Variants in DNAH9 observed in about 807,000 individuals in gnomAD.
DNAH9 encodes dynein axonemal heavy chain 9, also known as DNAH9 variant protein.
Under a neutral mutation model 471.6 loss-of-function variants are expected in DNAH9, and 345 were observed. The observed-to-expected ratio is 0.73, with a 90% confidence interval of 0.67 to 0.80. The LOEUF (loss-of-function observed/expected upper bound fraction) is 0.80, where lower values mean the gene tolerates loss of function less well. Among genes scored for constraint, DNAH9 ranks in the 30% least tolerant of loss-of-function variants. DNAH9 has a pLI of 0.00. For synonymous variants in DNAH9, 2,093 were observed against 2,123.6 expected (o/e 0.99, Z 0.40); for missense variants, 5,407 against 5,609.2 (o/e 0.96, Z 1.15).
intron 49 of DNAH9, among the ~76,000 whole-genome samples, chr17:11,841,991 T>C (rs1311485831): frequency 6.6e-6 from 1 of 152,182 alleles, no homozygotes; most frequent in Non-Finnish European, 1.5e-5. Flanking sequence ...TTTCTTTTTA[T>C]ACAGTTTCTC....
intron 39 of DNAH9, among the ~76,000 whole-genome samples, chr17:11,783,128 G>C (rs1968729938): frequency 6.6e-6 from 1 of 152,060 alleles, no homozygotes; most frequent in Non-Finnish European, 1.5e-5. Context: ...TGTTGTTGTT[G>C]TTGTTCTGGT....
chr17:11,863,825 T>G (rs1971944280), intron 50 of DNAH9, among the ~76,000 whole-genome samples: 1 of 151,016 alleles, frequency 6.6e-6, no homozygotes, highest in Non-Finnish European at 1.5e-5. Flanking sequence ...GTTTGTAGTA[T>G]TCTCTGATGG....
Position 11,618,383 on chromosome 17 carries a change from C to T in DNAH9, c.1116+761C>T, listed in dbSNP as rs371575997. On this transcript the variant is annotated intron_variant, in intron 5 of 68. Coordinates refer to ENST00000262442, the MANE Select transcript of DNAH9 (RefSeq NM_001372.4). ...CGGGCAGATCACGAGGTCAAGAGATCGAGACCATCCTGGCCAACATGGTGA... is the reference window on the plus strand; with the variant it reads ...CGGGCAGATCACGAGGTCAAGAGATTGAGACCATCCTGGCCAACATGGTGA... Among the ~76,000 whole-genome samples the T allele has an allele frequency of 9.9e-5, 15 of 152,046 alleles. No individual in the cohort carries two copies. In the South Asian group the frequency reaches 2.7e-3, roughly 27 times the overall value.
At chr17:11,763,646 C>G in intron 36 of DNAH9, 32 bp downstream of exon 36, 1 of 1,602,138 alleles carries the variant, frequency 6.2e-7, no homozygotes, top group Non-Finnish European at 8.5e-7. Context: ...AACAACCACA[C>G]TGAAGTCTGT....
chr17:11,605,148 T>C (rs8075091), intron 1 of DNAH9, among the ~76,000 whole-genome samples: 27 of 152,276 alleles, frequency 1.8e-4, no homozygotes, highest in African/African-American at 6.5e-4. Context: ...TCCTTCTCCC[T>C]GCAATATACT....
intron 28 of DNAH9, among the ~76,000 whole-genome samples, chr17:11,735,998 T>C (rs1334578912): frequency 6.6e-6 from 1 of 152,206 alleles, no homozygotes; most frequent in Non-Finnish European, 1.5e-5. Flanking sequence ...AAGTTTCTTT[T>C]TTTTTCTTTT....
Position 11,598,535 on chromosome 17 carries a change from G to C in DNAH9, c.37G>C (p.Glu13Gln), listed in dbSNP as rs769968365. 1.5e-6 allele frequency: 2 copies of C among 1,348,162 alleles called. No homozygotes were observed. The highest frequency in any genetic ancestry group is 3.2e-5 in the South Asian group (2 of 63,018). The allele number at this position is 1,348,162 out of a possible 1,614,324, so 83.5% of individuals were successfully genotyped here. A position where few individuals can be genotyped will look rare whatever the true frequency, so the allele number is the denominator to read the frequency against. The change falls in exon 1 of 69, where the codon GAG becomes CAG. Residue 13 changes from glutamate (E) to glutamine (Q), a missense_variant. By Grantham distance (29) the Glu-to-Gln change is conservative. Transcript: ENST00000262442. The part of the protein sequence containing the change: ...LAEERAALAA[E>Q]NADGEPGADR... ...GGAGGAGCGGGCCGCGCTCGCGGCG[G>C]AGAACGCGGATGGGGAACCCGGCGC... is the stretch of plus-strand genomic sequence containing the variant.
At chr17:11,864,364 T>G (rs1971966547) in intron 50 of DNAH9, among the ~76,000 whole-genome samples, 1 of 152,210 alleles carries the variant, frequency 6.6e-6, no homozygotes, top group Non-Finnish European at 1.5e-5. Flanking sequence ...AGTTCTAGTT[T>G]GACTGCACTA....
Position 11,694,309 on chromosome 17 carries a change from C to T in DNAH9, c.4746-12C>T, listed in dbSNP as rs2150758969. ...ATTCTTAACTGGGAAATTCTATGTT[C>T]TGTGCCCTCAGATTGTGCCTGTGTG... On this transcript the variant is annotated splice_polypyrimidine_tract_variant and intron_variant, in intron 21 of 68. Transcript: ENST00000262442. 1.9e-6 allele frequency: 3 copies of T among 1,613,724 alleles called. No homozygotes were observed. Among genetic ancestry groups the T allele is most frequent in the Non-Finnish European group, 2.5e-6 (3 of 1,179,842 alleles).
chr17:11,905,911 G>A (rs1973581981), intron 61 of DNAH9, 102 bp downstream of exon 61: 3 of 1,356,998 alleles, frequency 2.2e-6, no homozygotes, highest in Admixed American at 2.8e-5. Flanking sequence ...CTTCAAATAT[G>A]CAACACTGCA....
chr17:11,968,039 A>G (rs370679450), intron 68 of DNAH9, among the ~76,000 whole-genome samples: 15 of 152,362 alleles, frequency 9.8e-5, no homozygotes, highest in African/African-American at 3.6e-4. Flanking sequence ...GGAGCTGTCA[A>G]TACATCCTGT....
At chr17:11,640,475 G>T in intron 10 of DNAH9, 91 bp downstream of exon 10, 1 of 866,328 alleles carries the variant, frequency 1.2e-6, no homozygotes. Flanking sequence ...CCTGCTTAAC[G>T]AAGGCCAGAA....
chr17:11,901,347 G>A (rs1021833060), intron 59 of DNAH9, among the ~76,000 whole-genome samples: 5 of 152,162 alleles, frequency 3.3e-5, no homozygotes, highest in Non-Finnish European at 7.4e-5. Context: ...TCAATCTTTG[G>A]CTTCCCCGGG....
intron 35 of DNAH9, among the ~76,000 whole-genome samples, chr17:11,762,758 G>GTTGTTTTTT (rs1967733249): frequency 2.1e-5 from 2 of 94,790 alleles, no homozygotes; most frequent in Admixed American, 2.7e-4. Context: ...CTTTAGGTGC[G>GTTGTTTTTT]TTTTTTTTTT....
In DNAH9 at chr17:11,933,997, A is replaced by G; in HGVS notation, c.12415A>G (p.Met4139Val). 6.2e-7 allele frequency: 1 copy of G among 1,614,198 alleles called. No homozygotes were observed. The highest frequency in any genetic ancestry group is 8.5e-7 in the Non-Finnish European group (1 of 1,180,026). ...CCTGGGGGAATTCATTCGACCAGAA[A>G]TGTTAGAAGGAGAACTGTCTTTGGC... Reference protein sequence around the residue: ...TYLGEFIRPEMLEGELSLAPG... With the variant: ...TYLGEFIRPEVLEGELSLAPG... Residue 4139 changes from methionine to valine, a missense_variant, in exon 65 of 69, where the codon ATG (methionine) becomes GTG (valine). Physicochemically the swap from Met to Val is conservative, Grantham distance 21. Transcript: ENST00000262442.
In DNAH9 at chr17:11,854,185, A is replaced by G. The variant is rs764707482; in HGVS notation, c.9690A>G (p.Lys3230=). The change falls in exon 50 of 69, where the codon AAA becomes AAG. Residue 3230 remains lysine, a synonymous_variant. Coordinates refer to ENST00000262442, the MANE Select transcript of DNAH9 (RefSeq NM_001372.4). ...TGGACTCGCTAATAAACTTCAACAA[A>G]GAGAACATTCACGAGAACTGCCTCA... The part of the protein sequence containing the change: ...GFLDSLINFN[K]ENIHENCLKA... The G allele has an allele frequency of 9.3e-6, 15 of 1,614,024 alleles. No individual in the cohort carries two copies. In the Admixed American group the frequency reaches 1.2e-4, roughly 13 times the overall value.
Position 11,658,625 on chromosome 17 carries a change from GC to G in DNAH9, c.2595+5624del, listed in dbSNP as rs570258241. On this transcript the variant is annotated intron_variant, in intron 14 of 68. Coordinates refer to ENST00000262442, the MANE Select transcript of DNAH9 (RefSeq NM_001372.4). ...TTGGTAATTCACCATTAAATTTTTA[GC>G]TGTAGGGTTTCATGGATGTTCTTTG... Among the ~76,000 whole-genome samples the G allele has an allele frequency of 1.8e-4, 27 of 152,004 alleles. No homozygotes were observed. In the South Asian group the frequency reaches 2.1e-3, roughly 12 times the overall value.
intron 38 of DNAH9, 94 bp from the exon 39 acceptor site, chr17:11,780,915 G>T (rs1968643221): frequency 3.7e-6 from 5 of 1,340,942 alleles, no homozygotes; most frequent in South Asian, 1.4e-5. Flanking sequence ...ACACATGAAG[G>T]CAGCACCATT....
chr17:11,802,787 A>G (rs1782093309), intron 43 of DNAH9, among the ~76,000 whole-genome samples: 1 of 152,064 alleles, frequency 6.6e-6, no homozygotes, highest in Admixed American at 6.6e-5. Flanking sequence ...GTTTGTTCTC[A>G]CCACTCGAGC....
Sources: gnomAD v4.1 joint callset for allele counts (sites outside exome capture counted in the v4.1 genomes callset) on GRCh38, gnomAD v4.1.1 for gene constraint, MANE v1.5 for transcripts, NCBI Gene and HGNC (gene_info 2026-07-23, HGNC 2026-07-21) for gene names.